MAPK8: variants seen among roughly 807,000 people sequenced by gnomAD.
MAPK8 encodes the protein JUN N-terminal kinase.
In MAPK8, 13 loss-of-function variants were observed where a neutral mutation model predicts 52.9. The ratio of observed to expected loss-of-function variants is 0.25; its 90% confidence interval spans 0.16 to 0.39. The LOEUF is 0.39. MAPK8 is among the 10% of genes least tolerant of loss of function. The pLI is 1.00. For synonymous variants in MAPK8, 191 were observed against 169.8 expected (o/e 1.12, Z -0.97); for missense variants, 300 against 519.2 (o/e 0.58, Z 4.10).
At chr10:48,329,116 C>G (rs1346240853) in intron 1 of MAPK8, among the ~76,000 whole-genome samples, 1 of 152,160 alleles carries the variant, frequency 6.6e-6, no homozygotes, top group African/African-American at 2.4e-5. Context: ...GAAACTCAGG[C>G]AAGATGAAGT....
chr10:48,312,777 G>T (rs1037254220), intron 1 of MAPK8, among the ~76,000 whole-genome samples: 1 of 152,100 alleles, frequency 6.6e-6, no homozygotes, highest in African/African-American at 2.4e-5. Flanking sequence ...TTACTATTGA[G>T]AATTTAAAAG....
intron 1 of MAPK8, among the ~76,000 whole-genome samples, chr10:48,384,268 A>G (rs906782404): frequency 1.3e-5 from 2 of 152,148 alleles, no homozygotes; most frequent in Admixed American, 1.3e-4. Context: ...AAAAGACAAG[A>G]TGGCCTGAAA....
rs1405175365 is a variant in MAPK8 at position 48,435,609 on chromosome 10, T to G, written c.*580T>G. ...TCCAATATTTGCTACTTGCCAATCCTAATTTAGTTACAAGAATTGGTAGGC... is the reference window on the plus strand; with the variant it reads ...TCCAATATTTGCTACTTGCCAATCCGAATTTAGTTACAAGAATTGGTAGGC... On this transcript the variant is annotated 3_prime_UTR_variant, in exon 12 of 12. Transcript: ENST00000374189. 2 of 152,228 alleles carry G rather than the reference T, an allele frequency of 1.3e-5. No individual in the cohort carries two copies. Among genetic ancestry groups the G allele is most frequent in the East Asian group, 3.9e-4 (2 of 5,194 alleles). The allele number at this position is 152,228 out of a possible 1,614,324, so 9.4% of individuals were successfully genotyped here. A position where few individuals can be genotyped will look rare whatever the true frequency, so the allele number is the denominator to read the frequency against.
intron 1 of MAPK8, among the ~76,000 whole-genome samples, chr10:48,313,299 A>C (rs903932028): frequency 6.6e-6 from 1 of 151,970 alleles, no homozygotes; most frequent in Non-Finnish European, 1.5e-5. Context: ...TGGGCGTGGT[A>C]GCGTACGCCT....
intron 11 of MAPK8, among the ~76,000 whole-genome samples, chr10:48,432,648 T>A (rs1181201811): frequency 6.6e-6 from 1 of 152,214 alleles, no homozygotes; most frequent in African/African-American, 2.4e-5. Context: ...AGTTTTATAC[T>A]TTAGCATACT....
chr10:48,436,344 G>A lies in MAPK8; in HGVS notation c.*1315G>A, dbSNP rs2133415421. The A allele has an allele frequency of 6.6e-6, 1 of 152,300 alleles. No individual in the cohort carries two copies. Among genetic ancestry groups the A allele is most frequent in the Non-Finnish European group, 1.5e-5 (1 of 68,030 alleles). 9.4% of individuals were successfully genotyped at this position (152,300 alleles called of 1,614,324 possible). A position where few individuals can be genotyped will look rare whatever the true frequency, so the allele number is the denominator to read the frequency against. On this transcript the variant is annotated 3_prime_UTR_variant, in exon 12 of 12. Coordinates refer to ENST00000374189, the MANE Select transcript of MAPK8 (RefSeq NM_001323329.2). ...AAGAATGGTGCTGCTCCTGACAAGTGTATGTTAACTGTTTACATTTTCTAT... is the reference window on the plus strand; with the variant it reads ...AAGAATGGTGCTGCTCCTGACAAGTATATGTTAACTGTTTACATTTTCTAT...
At position 48,373,839 on chromosome 10, in the gene MAPK8, C is replaced by T. The variant is rs530710914; in HGVS notation, c.-49-27773C>T. On this transcript the variant is annotated intron_variant, in intron 1 of 11. Transcript: ENST00000374189. ...CCACTGTCAATATTAGATAGATCAA[C>T]GAGACAGAAAATTAACAACGATATC... 7.2e-5 allele frequency among the ~76,000 whole-genome samples: 11 copies of T among 152,136 alleles called. No homozygotes were observed. The South Asian group carries it at 1.0e-3, about 14-fold the overall frequency.
intron 1 of MAPK8, among the ~76,000 whole-genome samples, chr10:48,338,178 C>T (rs1386329277): frequency 6.6e-6 from 1 of 152,054 alleles, no homozygotes. Context: ...GCCAGCATCC[C>T]TGATGAAGAT....
chr10:48,378,300 A>G (rs544248829), intron 1 of MAPK8, among the ~76,000 whole-genome samples: 13 of 152,344 alleles, frequency 8.5e-5, no homozygotes, highest in Non-Finnish European at 1.5e-4. Flanking sequence ...ACAGAGTGGC[A>G]GAAATGAGAC....
At chr10:48,424,475 C>T in intron 7 of MAPK8, 4 of 1,316,750 alleles carry the variant, frequency 3.0e-6, no homozygotes, top group South Asian at 1.4e-5. Context: ...TTATTTTAAC[C>T]AAAATCTTTA....
rs1248822316 is a variant in MAPK8, at chr10:48,437,168, A to G, written c.*2139A>G. The G allele has an allele frequency of 1.3e-5, 2 of 152,196 alleles. No homozygotes were observed. The highest frequency in any genetic ancestry group is 2.9e-5 in the Non-Finnish European group (2 of 68,042). The allele number at this position is 152,196 out of a possible 1,614,324, so 9.4% of individuals were successfully genotyped here. ...GTTCAGTTCAATTCAAAGAAAACAA[A>G]CTCTCATTACTTAGTGTAAACTAAA... On this transcript the variant is annotated 3_prime_UTR_variant, in exon 12 of 12. Coordinates refer to ENST00000374189, the MANE Select transcript of MAPK8 (RefSeq NM_001323329.2).
At chr10:48,426,797 TAC>T (rs1232875598) in intron 9 of MAPK8, 1 of 478,372 alleles carries the variant, frequency 2.1e-6, no homozygotes, top group Non-Finnish European at 3.7e-6. Context: ...TAAAACAAAT[TAC>T]TGTATCCAAA....
In MAPK8 at chr10:48,424,082, A is replaced by G; in HGVS notation, c.617-6A>G. On this transcript the variant is annotated splice_polypyrimidine_tract_variant and splice_region_variant and intron_variant, in intron 6 of 11. Coordinates refer to ENST00000374189, the MANE Select transcript of MAPK8 (RefSeq NM_001323329.2). ...CTTTTCCTTCTTTTGTGCTGCAAAC[A>G]TATAGTGGATTTATGGTCTGTGGGG... The G allele has an allele frequency of 6.2e-7, 1 of 1,610,504 alleles. No individual in the cohort carries two copies. Among genetic ancestry groups the G allele is most frequent in the Non-Finnish European group, 8.5e-7 (1 of 1,177,682 alleles).
At chr10:48,341,445 G>A (rs1453003123) in intron 1 of MAPK8, among the ~76,000 whole-genome samples, 1 of 152,174 alleles carries the variant, frequency 6.6e-6, no homozygotes, top group Non-Finnish European at 1.5e-5. Flanking sequence ...TCAAGCATTT[G>A]GGATTTGGGA....
chr10:48,420,037 A>G, intron 5 of MAPK8, 118 bp from the exon 6 acceptor site: 1 of 718,886 alleles, frequency 1.4e-6, no homozygotes, highest in Non-Finnish European at 2.2e-6. Flanking sequence ...GTAATATTAC[A>G]GTGAGAAAAA....
At chr10:48,407,913 T>C (rs1388121701) in intron 3 of MAPK8, among the ~76,000 whole-genome samples, 1 of 152,162 alleles carries the variant, frequency 6.6e-6, no homozygotes, top group Non-Finnish European at 1.5e-5. Flanking sequence ...TTTGTCCAAG[T>C]CTCCTATTGT....
intron 1 of MAPK8, among the ~76,000 whole-genome samples, chr10:48,331,130 T>C (rs1398938777): frequency 6.6e-6 from 1 of 152,176 alleles, no homozygotes; most frequent in Non-Finnish European, 1.5e-5. Flanking sequence ...TAGTCTACCA[T>C]ACATCATCCC....
chr10:48,419,076 T>G (rs2043211241), intron 5 of MAPK8, among the ~76,000 whole-genome samples: 1 of 152,178 alleles, frequency 6.6e-6, no homozygotes, highest in Non-Finnish European at 1.5e-5. Context: ...TCTGTTTCAT[T>G]AAGACCTTTG....
At chr10:48,365,000 T>G (rs1157786201) in intron 1 of MAPK8, among the ~76,000 whole-genome samples, 2 of 152,228 alleles carry the variant, frequency 1.3e-5, no homozygotes, top group East Asian at 3.8e-4. Context: ...AACTGAATTA[T>G]TTCATCAGTT....
Sources: gnomAD v4.1 joint callset for allele counts (sites outside exome capture counted in the v4.1 genomes callset) on GRCh38, gnomAD v4.1.1 for gene constraint, MANE v1.5 for transcripts, NCBI Gene and HGNC (gene_info 2026-07-23, HGNC 2026-07-21) for gene names.